PCMTD2: variants seen among roughly 807,000 people sequenced by gnomAD.
The protein encoded by PCMTD2 is protein-L-isoaspartate (D-aspartate) O-methyltransferase domain containing 2.
Under a neutral mutation model 33.4 loss-of-function variants are expected in PCMTD2, and 16 were observed. The observed-to-expected ratio is 0.48, with a 90% CI of 0.32 to 0.73. The LOEUF (loss-of-function observed/expected upper bound fraction) is 0.73, where lower values mean the gene tolerates loss of function less well. Ranked by LOEUF, PCMTD2 falls within the 30% of genes least tolerant of loss-of-function variation. The pLI, the probability that PCMTD2 is intolerant of heterozygous loss-of-function variation, is 0.03. For synonymous variants in PCMTD2, 161 were observed against 160.8 expected (o/e 1.00, Z -0.01); for missense variants, 374 against 449.9 (o/e 0.83, Z 1.53).
intron 4 of PCMTD2, among the ~76,000 whole-genome samples, chr20:64,267,482 T>G (rs1985709364): frequency 6.6e-6 from 1 of 152,216 alleles, no homozygotes; most frequent in Admixed American, 6.5e-5. Context: ...AGGATTCAGT[T>G]GGTTGGTAAC....
In PCMTD2 at chr20:64,273,293, A is replaced by G; in HGVS notation, c.779A>G (p.His260Arg). ...AIRGTIKKII[H>R]QETVSKNGNG... Reference sequence around the variant, plus strand: ...CGGGGCACCATTAAAAAGATTATTCATCAGGAAACTGTGAGCAAAAACGGA... The same window carrying G: ...CGGGGCACCATTAAAAAGATTATTCGTCAGGAAACTGTGAGCAAAAACGGA... Residue 260 changes from histidine (H) to arginine (R), a missense_variant, in exon 6 of 6, where the codon CAT becomes CGT. Physicochemically the swap from His to Arg is conservative, Grantham distance 29. Transcript: ENST00000308824. 1 of 1,614,166 alleles carries G rather than the reference A, an allele frequency of 6.2e-7. No homozygotes were observed. The highest frequency in any genetic ancestry group is 1.3e-5 in the African/African-American group (1 of 75,038).
rs1307521046 is a variant in PCMTD2 at position 64,273,506 on chromosome 20, C to T, written c.992C>T (p.Pro331Leu). The change falls in exon 6 of 6, where the codon CCA becomes CTA. Residue 331 changes from proline (P) to leucine (L), a missense_variant. By Grantham distance (98) the Pro-to-Leu change is moderately conservative. Coordinates refer to ENST00000308824, the MANE Select transcript of PCMTD2 (RefSeq NM_018257.3). Reference sequence around the variant, plus strand: ...GAGAAGACCCCGCCGGAAACAAAGCCAGACCCCCCAGTGAACTTCCTACGC... The same window carrying T: ...GAGAAGACCCCGCCGGAAACAAAGCTAGACCCCCCAGTGAACTTCCTACGC... ...EEEKTPPETK[P>L]DPPVNFLRQK... is the part of the protein sequence containing the mutation. 1.2e-6 allele frequency: 2 copies of T among 1,603,378 alleles called. No homozygotes were observed. Among genetic ancestry groups the T allele is most frequent in the South Asian group, 1.1e-5 (1 of 89,172 alleles).
chr20:64,273,356 G>C lies in PCMTD2; in HGVS notation c.842G>C (p.Arg281Thr). Residue 281 changes from arginine (R) to threonine (T), a missense_variant, in exon 6 of 6, where the codon AGA becomes ACA. Transcript: ENST00000308824. Reference sequence around the variant, plus strand: ...AACACCCCCAGGTTTAAACGAAGGAGAGTTCGCCGCCGTCGAATGGAAACG... The same window carrying C: ...AACACCCCCAGGTTTAAACGAAGGACAGTTCGCCGCCGTCGAATGGAAACG... Reference protein sequence around the residue: ...LKNTPRFKRRRVRRRRMETIV... With the variant: ...LKNTPRFKRRTVRRRRMETIV... 6.2e-7 allele frequency: 1 copy of C among 1,614,202 alleles called. No homozygotes were observed. The highest frequency in any genetic ancestry group is 1.3e-5 in the African/African-American group (1 of 75,034).
At chr20:64,262,146 C>G (rs1985446110) in intron 2 of PCMTD2, among the ~76,000 whole-genome samples, 1 of 152,030 alleles carries the variant, frequency 6.6e-6, no homozygotes. Context: ...CCCAGCTACT[C>G]AGGAGGCTGA....
rs143062857 is a variant in PCMTD2 at position 64,260,175 on chromosome 20, G to A, written c.210G>A (p.Ser70=). The A allele has an allele frequency of 6.8e-6, 11 of 1,612,962 alleles. No individual in the cohort carries two copies. The highest frequency in any genetic ancestry group is 4.0e-5 in the African/African-American group (3 of 74,886). The part of the protein sequence containing the change: ...NIHLSAPCIY[S]EVMEALDLQP... ...ACCTCTCAGCCCCGTGCATCTACTC[G>A]GAGGTGATGGAAGCCCTAGATCTGC... is the stretch of plus-strand genomic sequence containing the variant. The change falls in exon 2 of 6, where the codon TCG becomes TCA. Residue 70 remains serine (S), a synonymous_variant. Coordinates refer to ENST00000308824, the MANE Select transcript of PCMTD2 (RefSeq NM_018257.3).
chr20:64,259,277 C>T (rs1448026254), intron 1 of PCMTD2, among the ~76,000 whole-genome samples: 1 of 152,022 alleles, frequency 6.6e-6, no homozygotes, highest in Non-Finnish European at 1.5e-5. Context: ...ATATCCAAAT[C>T]AACAGGTCAG....
intron 2 of PCMTD2, among the ~76,000 whole-genome samples, chr20:64,260,904 G>A (rs998988423): frequency 6.6e-6 from 1 of 151,882 alleles, no homozygotes; most frequent in African/African-American, 2.4e-5. Context: ...ATGTTTCCCA[G>A]GCTGGTCTCA....
At chr20:64,256,279 G>GC (rs1010915238) in intron 1 of PCMTD2, among the ~76,000 whole-genome samples, 215 of 152,030 alleles carry the variant, frequency 1.4e-3, no homozygotes, top group African/African-American at 5.0e-3. Flanking sequence ...AAATAATTGC[G>GC]CCCCCCCGCC....
Position 64,275,649 on chromosome 20 carries a change from G to A in PCMTD2, c.*2049G>A, listed in dbSNP as rs764307715. 3.9e-5 allele frequency: 6 copies of A among 152,192 alleles called. No individual in the cohort carries two copies. The highest frequency in any genetic ancestry group is 7.4e-5 in the Non-Finnish European group (5 of 68,024). 9.4% of individuals were successfully genotyped at this position (152,192 alleles called of 1,614,324 possible). The stretch of plus-strand genomic sequence containing the variant: ...ACCTTATGAAAATAAAGGATTGTAA[G>A]TAAAGTTTCCTGCGCACCTTATACC... On this transcript the variant is annotated 3_prime_UTR_variant, in exon 6 of 6. Coordinates refer to ENST00000308824, the MANE Select transcript of PCMTD2 (RefSeq NM_018257.3).
intron 4 of PCMTD2, 51 bp downstream of exon 4, chr20:64,265,480 G>C (rs774899590): frequency 1.4e-6 from 2 of 1,389,806 alleles, no homozygotes; most frequent in Non-Finnish European, 2.0e-6. Context: ...GCCAAGGTCT[G>C]TTCTGGGCAG....
At chr20:64,266,980 A>G (rs1388086137) in intron 4 of PCMTD2, among the ~76,000 whole-genome samples, 3 of 152,228 alleles carry the variant, frequency 2.0e-5, no homozygotes, top group Non-Finnish European at 4.4e-5. Context: ...ATGTTTGTTG[A>G]TATTTACTTA....
In PCMTD2 at chr20:64,271,890, C is replaced by T. The variant is rs1291566442; in HGVS notation, c.707-1331C>T. 2.0e-5 allele frequency: 4 copies of T among 204,650 alleles called. No homozygotes were observed. The East Asian group carries it at 4.4e-4, about 22-fold the overall frequency. 12.7% of individuals were successfully genotyped at this position (204,650 alleles called of 1,614,324 possible). On this transcript the variant is annotated intron_variant, in intron 5 of 5. Coordinates refer to ENST00000308824, the MANE Select transcript of PCMTD2 (RefSeq NM_018257.3). Reference sequence around the variant, plus strand: ...AAGGAGTTGTTTCAGCCTCTTGGGGCAACAGCCAGATCCCAGTGGCTCTGG... The same window carrying T: ...AAGGAGTTGTTTCAGCCTCTTGGGGTAACAGCCAGATCCCAGTGGCTCTGG...
chr20:64,264,073 C>T (rs910179752), intron 2 of PCMTD2, among the ~76,000 whole-genome samples: 2 of 152,164 alleles, frequency 1.3e-5, no homozygotes, highest in Non-Finnish European at 2.9e-5. Context: ...TCTGAGTGTT[C>T]TGGGCAACTT....
chr20:64,273,361 C>A lies in PCMTD2; in HGVS notation c.847C>A (p.Arg283Ser). 1 of 1,614,154 alleles carries A rather than the reference C, an allele frequency of 6.2e-7. No homozygotes were observed. Among genetic ancestry groups the A allele is most frequent in the Non-Finnish European group, 8.5e-7 (1 of 1,179,998 alleles). Residue 283 changes from arginine to serine, a missense_variant, in exon 6 of 6, where the codon CGC (arginine) becomes AGC (serine). Transcript: ENST00000308824. ...CCCCAGGTTTAAACGAAGGAGAGTTCGCCGCCGTCGAATGGAAACGATTGT... is the reference window on the plus strand; with the variant it reads ...CCCCAGGTTTAAACGAAGGAGAGTTAGCCGCCGTCGAATGGAAACGATTGT... ...NTPRFKRRRV[R>S]RRRMETIVFL...
intron 5 of PCMTD2, among the ~76,000 whole-genome samples, chr20:64,270,731 C>T: frequency 6.7e-6 from 1 of 150,238 alleles, no homozygotes; most frequent in Non-Finnish European, 1.5e-5. Context: ...ATGGTACAGT[C>T]CTTCTGAGGA....
At position 64,263,886 on chromosome 20, in the gene PCMTD2, A is replaced by T. The variant is rs377017078; in HGVS notation, c.308-543A>T. 1.2e-4 allele frequency among the ~76,000 whole-genome samples: 19 copies of T among 152,340 alleles called. No homozygotes were observed. The South Asian group carries it at 3.5e-3, about 28-fold the overall frequency. On this transcript the variant is annotated intron_variant, in intron 2 of 5. Transcript: ENST00000308824. Reference sequence around the variant, plus strand: ...CTGTGTTCCCAGTTAACGTAGGGGCAGTTTTATATCGGGGGAGCACTGTCA... The same window carrying T: ...CTGTGTTCCCAGTTAACGTAGGGGCTGTTTTATATCGGGGGAGCACTGTCA...
chr20:64,260,490 C>A (rs536281319), intron 2 of PCMTD2, among the ~76,000 whole-genome samples: 44 of 152,300 alleles, frequency 2.9e-4, no homozygotes, highest in Admixed American at 7.8e-4. Context: ...GGGACCTCTC[C>A]TGTTCTCTGT....
chr20:64,258,519 C>G (rs1985263982), intron 1 of PCMTD2, among the ~76,000 whole-genome samples: 1 of 152,118 alleles, frequency 6.6e-6, no homozygotes, highest in Admixed American at 6.5e-5. Flanking sequence ...TAAGCTATAC[C>G]CTTCACACTT....
chr20:64,260,012 A>G lies in PCMTD2; in HGVS notation c.47A>G (p.Asp16Gly). The G allele has an allele frequency of 6.2e-7, 1 of 1,613,470 alleles. No homozygotes were observed. Among genetic ancestry groups the G allele is most frequent in the East Asian group, 2.2e-5 (1 of 44,886 alleles). Residue 16 changes from aspartate to glycine, a missense_variant, in exon 2 of 6, where the codon GAT becomes GGT. By Grantham distance (94) the Asp-to-Gly change is moderately conservative. Transcript: ENST00000308824. ...SAGEDNDELI[D>G]NLKEAQYIRT... ...GGTGAAGACAATGATGAGCTGATAG[A>G]TAATTTGAAAGAAGCACAGTATATC...
Sources: gnomAD v4.1 joint callset for allele counts (sites outside exome capture counted in the v4.1 genomes callset) on GRCh38, gnomAD v4.1.1 for gene constraint, MANE v1.5 for transcripts, NCBI Gene and HGNC (gene_info 2026-07-23, HGNC 2026-07-21) for gene names.